The following MYH13 variants were observed in gnomAD, a reference collection of about 807,000 sequenced individuals.
MYH13 encodes myosin heavy chain 13.
In MYH13, 177 loss-of-function variants were observed where a neutral mutation model predicts 232.1. The observed-to-expected ratio is 0.76, with a 90% CI of 0.67 to 0.86. MYH13 has a LOEUF of 0.86. Ranked by LOEUF, MYH13 falls within the 40% of genes least tolerant of loss-of-function variation. The pLI is 0.00. For synonymous variants in MYH13, 884 were observed against 923.5 expected, an observed-to-expected ratio of 0.96 and a Z score of 0.78; for missense variants, 2,246 against 2,405.9, an observed-to-expected ratio of 0.93 and a Z score of 1.39.
At chr17:10,326,614 G>T (rs1907204785) in intron 22 of MYH13, among the ~76,000 whole-genome samples, 1 of 150,602 alleles carries the variant, frequency 6.6e-6, no homozygotes, top group Non-Finnish European at 1.5e-5. Context: ...GGCACTACCA[G>T]CGTGTGCCAC....
intron 13 of MYH13, among the ~76,000 whole-genome samples, chr17:10,346,078 T>G (rs2071664745): frequency 6.6e-6 from 1 of 151,390 alleles, no homozygotes; most frequent in Admixed American, 6.6e-5. Flanking sequence ...CAATGCAATA[T>G]TAAATATTTT....
intron 19 of MYH13, among the ~76,000 whole-genome samples, chr17:10,332,588 G>A (rs1212145248): frequency 1.3e-5 from 2 of 152,192 alleles, no homozygotes; most frequent in Non-Finnish European, 2.9e-5. Flanking sequence ...CCTCCATCCT[G>A]GACAAGGCCC....
rs2142255183 is a variant in MYH13, at chr17:10,340,419, A to G, written c.1895-18T>C. 1 of 1,600,332 alleles carries G rather than the reference A, an allele frequency of 6.2e-7. No homozygotes were observed. The highest frequency in any genetic ancestry group is 8.5e-7 in the Non-Finnish European group (1 of 1,171,042). On this transcript the variant is annotated intron_variant, in intron 16 of 40. Coordinates refer to ENST00000252172, the MANE Select transcript of MYH13 (RefSeq NM_003802.3). ...GGAGTCGCCTGGAGACAGACACAGA[A>G]GAGCGTGTTAGATGCATCCCAGAGG...
chr17:10,301,654 T>C lies in MYH13; in HGVS notation c.5717A>G (p.Glu1906Gly). ...QLSRCRRVQH[E>G]LEEAAERADI... ...CGCCCTCTCCGCGGCCTCCTCTAGC[T>C]CATGCTGGACTCTCCGGCATCTGGA... Residue 1906 changes from glutamate (E) to glycine (G), a missense_variant, in exon 40 of 41, where the codon GAG becomes GGG. Transcript: ENST00000252172. The C allele has an allele frequency of 6.2e-7, 1 of 1,614,152 alleles. No individual in the cohort carries two copies. Among genetic ancestry groups the C allele is most frequent in the African/African-American group, 1.3e-5 (1 of 75,048 alleles).
At chr17:10,315,866 C>A (rs1906689548) in intron 28 of MYH13, 33 bp downstream of exon 28, 4 of 1,613,980 alleles carry the variant, frequency 2.5e-6, no homozygotes, top group Non-Finnish European at 3.4e-6. Flanking sequence ...TCTCCCATGG[C>A]CCGGCTGGAC....
rs746328926 is a variant in MYH13 at position 10,306,891 on chromosome 17, C to A, written c.5295+48G>T. On this transcript the variant is annotated intron_variant, in intron 36 of 40. Transcript: ENST00000252172. The surrounding 1 kb of genome is among the most constrained non-coding windows in gnomAD (Gnocchi z 4.3). The stretch of plus-strand genomic sequence containing the variant: ...GCCACACCCTGGCTCAGAGGCCCCA[C>A]TTTCTCAGTTCCAAACCCCATCTCT... The A allele has an allele frequency of 2.0e-5, 32 of 1,609,254 alleles. No individual in the cohort carries two copies. The highest frequency in any genetic ancestry group is 2.6e-5 in the Non-Finnish European group (31 of 1,179,540).
At chr17:10,324,908 C>T (rs1907150130) in intron 22 of MYH13, 1 of 152,270 alleles carries the variant, frequency 6.6e-6, no homozygotes, top group African/African-American at 2.4e-5. Context: ...ACTGCATCCT[C>T]ACACTCCTGT....
chr17:10,330,953 G>A (rs1005002299), intron 20 of MYH13, among the ~76,000 whole-genome samples: 1 of 152,030 alleles, frequency 6.6e-6, no homozygotes, highest in African/African-American at 2.4e-5. Flanking sequence ...GGAGGTGGAG[G>A]TTGCAGTGAG....
intron 35 of MYH13, among the ~76,000 whole-genome samples, chr17:10,308,049 G>A (rs938966107): frequency 6.6e-6 from 1 of 152,162 alleles, no homozygotes; most frequent in Non-Finnish European, 1.5e-5. Context: ...TCGAAGCTGG[G>A]CACAGTGGCT....
At chr17:10,340,754 G>T (rs2320792) in intron 16 of MYH13, among the ~76,000 whole-genome samples, 118,289 of 151,916 alleles carry the variant, frequency 0.78, 46,558 homozygotes, top group East Asian at 0.88. Context: ...CCTGACTTTG[G>T]CCTCCCAAAG....
At chr17:10,323,900 C>G in intron 23 of MYH13, 122 bp downstream of exon 23, 4 of 1,347,284 alleles carry the variant, frequency 3.0e-6, no homozygotes, top group Non-Finnish European at 4.0e-6. Flanking sequence ...CACCTTGACG[C>G]CAGCCTCTCA....
At chr17:10,333,908 CAAA>C (rs796120788) in intron 18 of MYH13, among the ~76,000 whole-genome samples, 2 of 125,538 alleles carry the variant, frequency 1.6e-5, no homozygotes, top group Admixed American at 8.2e-5. Flanking sequence ...AACTGCACCT[CAAA>C]AAAAAAAAAA....
chr17:10,328,677 CG>C (rs1567663172), intron 21 of MYH13, among the ~76,000 whole-genome samples: 1 of 123,908 alleles, frequency 8.1e-6, no homozygotes, highest in African/African-American at 2.8e-5. Context: ...CTTTTCTATT[CG>C]TTTTTTTTTT....
chr17:10,312,551 A>G (rs1328841528), intron 31 of MYH13, 23 bp downstream of exon 31: 4 of 1,599,514 alleles, frequency 2.5e-6, no homozygotes, highest in Non-Finnish European at 3.4e-6. Context: ...CCATCTTCAC[A>G]AAGAAAGCGG....
Position 10,303,388 on chromosome 17 carries a change from C to T in MYH13, c.5571+6G>A, listed in dbSNP as rs184401376. On this transcript the variant is annotated splice_donor_region_variant and intron_variant, in intron 38 of 40. Transcript: ENST00000252172. ...CATTCACTGAGGAGGTTTTTGGGAC[C>T]CCTACCTGGTAAGTCATCTCCTTGA... 9 of 1,613,774 alleles carry T rather than the reference C, an allele frequency of 5.6e-6. No individual in the cohort carries two copies. Among genetic ancestry groups the T allele is most frequent in the East Asian group, 2.2e-5 (1 of 44,868 alleles).
chr17:10,324,328 A>G, intron 22 of MYH13, 64 bp from the exon 23 acceptor site: 1 of 1,589,248 alleles, frequency 6.3e-7, no homozygotes, highest in Non-Finnish European at 8.6e-7. Context: ...AAGAAAGGGT[A>G]TCACCCTCTA....
chr17:10,350,779 TTGTA>T (rs747525968), intron 11 of MYH13, 85 bp from the exon 12 acceptor site: 12 of 1,541,424 alleles, frequency 7.8e-6, no homozygotes, highest in Non-Finnish European at 9.8e-6. Flanking sequence ...TACCTCTTTT[TTGTA>T]TAGCATATGA....
chr17:10,363,908 C>T (rs535475648), intron 3 of MYH13, among the ~76,000 whole-genome samples: 1 of 152,270 alleles, frequency 6.6e-6, no homozygotes, highest in South Asian at 2.1e-4. Flanking sequence ...ATGACCTAGA[C>T]CTGGTAGATG....
At chr17:10,333,979 C>A (rs1158440666) in intron 18 of MYH13, among the ~76,000 whole-genome samples, 1 of 151,288 alleles carries the variant, frequency 6.6e-6, no homozygotes, top group Non-Finnish European at 1.5e-5. Context: ...CGGTCATCTG[C>A]TGACCACTCA....
Sources: allele counts gnomAD v4.1 joint callset (sites outside exome capture counted in the v4.1 genomes callset), GRCh38; gene constraint gnomAD v4.1.1; non-coding constraint Gnocchi (gnomAD v3.1); transcripts MANE v1.5; gene names NCBI Gene and HGNC (gene_info 2026-07-23, HGNC 2026-07-21).